The following ELK3 variants were observed in gnomAD, a reference collection of about 807,000 sequenced individuals.
The protein encoded by ELK3 is ETS transcription factor ELK3.
A neutral mutation model predicts 28.9 loss-of-function variants in ELK3; 10 were observed. The observed-to-expected ratio is 0.35, with a 90% CI of 0.21 to 0.59. The LOEUF is 0.59. Ranked by LOEUF, ELK3 falls within the 20% of genes least tolerant of loss-of-function variation. ELK3 has a pLI of 0.82. For missense variants in ELK3, 463 were observed against 517.3 expected, an observed-to-expected ratio of 0.90 and a Z score of 1.02; for synonymous variants, 272 against 243.5, an observed-to-expected ratio of 1.12 and a Z score of -1.09.
intron 1 of ELK3, among the ~76,000 whole-genome samples, chr12:96,195,125 A>T (rs977971407): frequency 2.0e-5 from 3 of 152,190 alleles, no homozygotes; most frequent in Non-Finnish European, 4.4e-5. Flanking sequence ...TGGCAGGAGC[A>T]GGCTGAGTGC....
chr12:96,241,112 T>C (rs903566003), intron 2 of ELK3, among the ~76,000 whole-genome samples: 1 of 152,200 alleles, frequency 6.6e-6, no homozygotes, highest in African/African-American at 2.4e-5. Context: ...ATGTATGGGA[T>C]ACACCCACAG....
intron 3 of ELK3, among the ~76,000 whole-genome samples, chr12:96,253,147 C>T (rs997648422): frequency 8.5e-5 from 13 of 152,176 alleles, no homozygotes; most frequent in Non-Finnish European, 1.2e-4. Flanking sequence ...TGTAATCCCA[C>T]TACTTGGGAG....
intron 1 of ELK3, among the ~76,000 whole-genome samples, chr12:96,206,841 A>G (rs1402974566): frequency 1.3e-5 from 2 of 152,216 alleles, no homozygotes; most frequent in African/African-American, 4.8e-5. Context: ...AGTCTCTTCC[A>G]TCAGATGCTT....
intron 2 of ELK3, among the ~76,000 whole-genome samples, chr12:96,237,735 C>T (rs992110055): frequency 3.9e-5 from 6 of 152,212 alleles, no homozygotes; most frequent in African/African-American, 9.7e-5. Flanking sequence ...GTGTAACAGT[C>T]GTGCCTGTGA....
chr12:96,224,979 C>T (rs1349694178), intron 2 of ELK3, among the ~76,000 whole-genome samples: 1 of 152,194 alleles, frequency 6.6e-6, no homozygotes. Flanking sequence ...ATCGTAATTG[C>T]ACGTGATTGT....
chr12:96,250,622 AC>A (rs532237088), intron 3 of ELK3, among the ~76,000 whole-genome samples: 94 of 152,324 alleles, frequency 6.2e-4, no homozygotes, highest in Non-Finnish European at 1.1e-3. Context: ...GGAGTGAAGG[AC>A]AACTGTGGGG....
In ELK3 at chr12:96,247,379, C is replaced by T. The variant is rs763953904; in HGVS notation, c.647C>T (p.Ser216Leu). The T allele has an allele frequency of 4.3e-6, 7 of 1,614,174 alleles. No homozygotes were observed. Among genetic ancestry groups the T allele is most frequent in the Admixed American group, 3.3e-5 (2 of 60,034 alleles). ...GCGGCGGCGTCCGCCTTCCTGGCCT[C>T]GTCCGTCTCGGCCAAGATCTCCTCT... The part of the protein sequence containing the change: ...EAAAASAFLA[S>L]SVSAKISSLM... The change falls in exon 3 of 5, where the codon TCG becomes TTG. Residue 216 changes from serine to leucine, a missense_variant. Around this residue, in one of 2 missense-constraint regions of ELK3, gnomAD observed 408 missense variants for 414.8 expected, o/e 0.98. Coordinates refer to ENST00000228741, the MANE Select transcript of ELK3 (RefSeq NM_005230.4). This position sits in a 1 kb window ranked among gnomAD's most constrained non-coding sequence, Gnocchi z 5.5.
intron 2 of ELK3, among the ~76,000 whole-genome samples, chr12:96,236,108 A>G (rs986422953): frequency 1.3e-5 from 2 of 152,126 alleles, no homozygotes; most frequent in African/African-American, 4.8e-5. Context: ...TTACAGGTGT[A>G]AGCCACCACC....
chr12:96,210,597 A>ACACACCCC (rs1416746905), intron 1 of ELK3, among the ~76,000 whole-genome samples: 14 of 149,066 alleles, frequency 9.4e-5, no homozygotes, highest in South Asian at 4.2e-4. Flanking sequence ...ACACACACAC[A>ACACACCCC]CCCCGAGTGG....
intron 1 of ELK3, among the ~76,000 whole-genome samples, chr12:96,215,163 A>G (rs892344781): frequency 1.3e-4 from 20 of 151,908 alleles, no homozygotes; most frequent in African/African-American, 4.8e-4. Context: ...GAAGCTTAAG[A>G]AAATCAAAGC....
At chr12:96,219,798 G>C (rs969373076) in intron 1 of ELK3, among the ~76,000 whole-genome samples, 28 of 152,182 alleles carry the variant, frequency 1.8e-4, no homozygotes, top group Non-Finnish European at 3.7e-4. Flanking sequence ...TTTCGACTTA[G>C]CTCTGAGTAA....
At chr12:96,264,268 T>A (rs1229771958) in intron 4 of ELK3, among the ~76,000 whole-genome samples, 1 of 152,098 alleles carries the variant, frequency 6.6e-6, no homozygotes, top group African/African-American at 2.4e-5. Context: ...ATTACAGGTG[T>A]CAACGACCAT....
At chr12:96,217,818 G>T (rs11835012) in intron 1 of ELK3, among the ~76,000 whole-genome samples, 1 of 151,508 alleles carries the variant, frequency 6.6e-6, no homozygotes, top group Non-Finnish European at 1.5e-5. Flanking sequence ...CGCACCTGTG[G>T]TCCCAGCTAC....
intron 3 of ELK3, among the ~76,000 whole-genome samples, chr12:96,258,296 C>T (rs1951967053): frequency 6.6e-6 from 1 of 152,204 alleles, no homozygotes; most frequent in Admixed American, 6.5e-5. Context: ...TTCTAGTAAC[C>T]TCATAGGTCA....
chr12:96,244,174 C>A (rs1951840623), intron 2 of ELK3, among the ~76,000 whole-genome samples: 1 of 152,076 alleles, frequency 6.6e-6, no homozygotes, highest in South Asian at 2.1e-4. Context: ...GAGCTTCATT[C>A]TTTACTACAG....
chr12:96,248,807 G>T (rs1023169588), intron 3 of ELK3, among the ~76,000 whole-genome samples: 1 of 152,224 alleles, frequency 6.6e-6, no homozygotes, highest in Non-Finnish European at 1.5e-5. Flanking sequence ...TGCATTGCCT[G>T]TATCCACACT....
intron 3 of ELK3, among the ~76,000 whole-genome samples, chr12:96,249,938 C>G (rs1951891039): frequency 6.6e-6 from 1 of 152,196 alleles, no homozygotes; most frequent in Admixed American, 6.5e-5. Context: ...GGACCTGTGC[C>G]TTAGGCAGTG....
intron 2 of ELK3, among the ~76,000 whole-genome samples, chr12:96,231,820 C>T (rs554761465): frequency 3.9e-5 from 6 of 152,176 alleles, no homozygotes; most frequent in South Asian, 2.1e-4. Context: ...CCAGTTGACA[C>T]GGCCTCTTCT....
intron 2 of ELK3, among the ~76,000 whole-genome samples, chr12:96,242,260 C>T (rs1951826843): frequency 1.3e-5 from 2 of 152,192 alleles, no homozygotes; most frequent in South Asian, 4.1e-4. Flanking sequence ...TAGCCAAGAC[C>T]TCAGGAGTCA....
Sources: gnomAD v4.1 joint callset for allele counts (sites outside exome capture counted in the v4.1 genomes callset) on GRCh38, gnomAD v4.1.1 for gene constraint, gnomAD v4.1.1 regional missense constraint, Gnocchi (gnomAD v3.1) non-coding constraint, MANE v1.5 for transcripts, NCBI Gene and HGNC (gene_info 2026-07-23, HGNC 2026-07-21) for gene names.